Variants in DDAH2 observed in about 807,000 individuals in gnomAD.
The protein encoded by DDAH2 is DDAH family member 2, ADMA-independent.
A neutral mutation model predicts 24.8 loss-of-function variants in DDAH2; 8 were observed. The ratio of observed to expected loss-of-function variants is 0.32; its 90% CI spans 0.19 to 0.58. The LOEUF is 0.58. Among genes scored for constraint, DDAH2 ranks in the 20% least tolerant of loss-of-function variants. DDAH2 has a pLI of 0.87. For synonymous variants in DDAH2, 151 were observed against 166.1 expected, an observed-to-expected ratio of 0.91 and a Z score of 0.70; for missense variants, 281 against 379.0, an observed-to-expected ratio of 0.74 and a Z score of 2.15.
In DDAH2 at chr6:31,727,151, A is replaced by G. The variant is rs906417584; in HGVS notation, c.*86T>C. 2.0e-6 allele frequency: 2 copies of G among 991,446 alleles called. No homozygotes were observed. The highest frequency in any genetic ancestry group is 3.2e-5 in the African/African-American group (2 of 62,406). The allele number at this position is 991,446 out of a possible 1,614,324, so 61.4% of individuals were successfully genotyped here. A position where few individuals can be genotyped will look rare whatever the true frequency, so the allele number is the denominator to read the frequency against. ...TGAGGCTCTCTCCCAACTACTGCCT[A>G]TTCAGCATTCTCTATCTAACCCTCC... On this transcript the variant is annotated 3_prime_UTR_variant, in exon 6 of 6. Coordinates refer to ENST00000375789, the MANE Select transcript of DDAH2 (RefSeq NM_001303007.2). This position sits in a 1 kb window ranked among gnomAD's most constrained non-coding sequence, Gnocchi z 6.0.
chr6:31,728,071 C>A lies in DDAH2; in HGVS notation c.591+102G>T. 1 of 1,358,248 alleles carries A rather than the reference C, an allele frequency of 7.4e-7. No individual in the cohort carries two copies. Among genetic ancestry groups the A allele is most frequent in the Non-Finnish European group, 1.0e-6 (1 of 986,002 alleles). 84.1% of individuals were successfully genotyped at this position (1,358,248 alleles called of 1,614,324 possible). A position where few individuals can be genotyped will look rare whatever the true frequency, so the allele number is the denominator to read the frequency against. On this transcript the variant is annotated intron_variant, in intron 4 of 5. Transcript: ENST00000375789. This position sits in a 1 kb window ranked among gnomAD's most constrained non-coding sequence, Gnocchi z 9.8. ...TGTTCTTTCATGTAAGATGGACAGCCCATTGAGGGCAGGGGTTAGGGCTAA... is the reference window on the plus strand; with the variant it reads ...TGTTCTTTCATGTAAGATGGACAGCACATTGAGGGCAGGGGTTAGGGCTAA...
Position 31,729,153 on chromosome 6 carries a change from C to G in DDAH2, c.9G>C (p.Thr3=). ...AGCAGCGGCCCAGCCCCTCCCCCGG[C>G]GTCCCCATCCCATCCACACAGACTC... is the stretch of plus-strand genomic sequence containing the variant. MG[T]PGEGLGRCSH... Residue 3 remains threonine (T), a synonymous_variant, in exon 1 of 6, where the codon ACG becomes ACC. Coordinates refer to ENST00000375789, the MANE Select transcript of DDAH2 (RefSeq NM_001303007.2). This position sits in a 1 kb window ranked among gnomAD's most constrained non-coding sequence, Gnocchi z 6.7. The G allele has an allele frequency of 6.2e-7, 1 of 1,604,802 alleles. No homozygotes were observed. Among genetic ancestry groups the G allele is most frequent in the Middle Eastern group, 1.7e-4 (1 of 6,018 alleles).
In DDAH2 at chr6:31,729,247, G is replaced by A; in HGVS notation, c.-86C>T. On this transcript the variant is annotated 5_prime_UTR_variant, in exon 1 of 6. Coordinates refer to ENST00000375789, the MANE Select transcript of DDAH2 (RefSeq NM_001303007.2). This position sits in a 1 kb window ranked among gnomAD's most constrained non-coding sequence, Gnocchi z 6.7. ...CTGTCTGGGAGAAGAAACAGAAAAGGAGGAGACAGAGAAAAAGACATGCAG... is the reference window on the plus strand; with the variant it reads ...CTGTCTGGGAGAAGAAACAGAAAAGAAGGAGACAGAGAAAAAGACATGCAG... The A allele has an allele frequency of 2.5e-6, 3 of 1,184,966 alleles. No homozygotes were observed. Among genetic ancestry groups the A allele is most frequent in the Middle Eastern group, 4.0e-4 (2 of 4,994 alleles). The allele number at this position is 1,184,966 out of a possible 1,614,324, so 73.4% of individuals were successfully genotyped here.
At position 31,728,169 on chromosome 6, in the gene DDAH2, T is replaced by G; in HGVS notation, c.591+4A>C. 6.2e-7 allele frequency: 1 copy of G among 1,611,210 alleles called. No homozygotes were observed. The highest frequency in any genetic ancestry group is 8.5e-7 in the Non-Finnish European group (1 of 1,179,810). ...CACTTTCGTTGGCCCCGCCCCCTCC[T>G]CACCCGGACAGCCTTTTGGGCAGCG... On this transcript the variant is annotated splice_donor_region_variant and intron_variant, in intron 4 of 5. Transcript: ENST00000375789. This position sits in a 1 kb window ranked among gnomAD's most constrained non-coding sequence, Gnocchi z 9.8.
rs1807564635 is a variant in DDAH2, at chr6:31,728,448, C to T, written c.471+3G>A. The T allele has an allele frequency of 6.2e-7, 1 of 1,612,804 alleles. No homozygotes were observed. The highest frequency in any genetic ancestry group is 8.5e-7 in the Non-Finnish European group (1 of 1,179,978). ...CCCTCCCTAGGCTGGTCCCGCTCCG[C>T]ACCCGGAACGTGTCCGCCACGATCT... On this transcript the variant is annotated splice_donor_region_variant and intron_variant, in intron 3 of 5. Transcript: ENST00000375789. The surrounding 1 kb of genome is among the most constrained non-coding windows in gnomAD (Gnocchi z 9.8).
Position 31,728,237 on chromosome 6 carries a change from C to T in DDAH2, c.527G>A (p.Cys176Tyr). Residue 176 changes from cysteine to tyrosine, a missense_variant, in exon 4 of 6, where the codon TGC (cysteine) becomes TAC (tyrosine). Cys to Tyr is a radical substitution (Grantham distance 194, BLOSUM62 -2). Coordinates refer to ENST00000375789, the MANE Select transcript of DDAH2 (RefSeq NM_001303007.2). The surrounding 1 kb of genome is among the most constrained non-coding windows in gnomAD (Gnocchi z 9.8). ...VSGPSHLRGL[C>Y]GMGGPRTVVA... ...AACAGTGCGAGGTCCCCCCATGCCG[C>T]AGAGACCGCGCAGGTGGGAGGGACC... The T allele has an allele frequency of 6.2e-7, 1 of 1,612,726 alleles. No homozygotes were observed. Among genetic ancestry groups the T allele is most frequent in the Non-Finnish European group, 8.5e-7 (1 of 1,179,898 alleles).
chr6:31,727,823 G>A lies in DDAH2; in HGVS notation c.592-131C>T, dbSNP rs1272259011. The A allele has an allele frequency of 6.8e-6, 7 of 1,027,394 alleles. No individual in the cohort carries two copies. Among genetic ancestry groups the A allele is most frequent in the South Asian group, 4.8e-5 (3 of 62,372 alleles). 63.6% of individuals were successfully genotyped at this position (1,027,394 alleles called of 1,614,324 possible). ...ATGACAGCAAGCACATAGAGCTTACGATATGTCAGACACTAAGTACTTTAG... is the reference window on the plus strand; with the variant it reads ...ATGACAGCAAGCACATAGAGCTTACAATATGTCAGACACTAAGTACTTTAG... On this transcript the variant is annotated intron_variant, in intron 4 of 5. Coordinates refer to ENST00000375789, the MANE Select transcript of DDAH2 (RefSeq NM_001303007.2). The surrounding 1 kb of genome is among the most constrained non-coding windows in gnomAD (Gnocchi z 6.0).
rs1353694941 is a variant in DDAH2, at chr6:31,727,222, C to T, written c.*15G>A. 1.2e-6 allele frequency: 2 copies of T among 1,604,828 alleles called. No homozygotes were observed. The highest frequency in any genetic ancestry group is 3.3e-5 in the Admixed American group (2 of 59,932). ...CTATCCTACCCCTGGCCAGCAGTAC[C>T]CCAAGGCCAGGCCCTCAGCTGTGGG... On this transcript the variant is annotated 3_prime_UTR_variant, in exon 6 of 6. Coordinates refer to ENST00000375789, the MANE Select transcript of DDAH2 (RefSeq NM_001303007.2). This position sits in a 1 kb window ranked among gnomAD's most constrained non-coding sequence, Gnocchi z 6.0.
At chr6:31,729,441 G>A (rs2151308983), upstream of DDAH2, 1 of 494,378 alleles carries the variant, frequency 2.0e-6, no homozygotes, top group East Asian at 3.3e-5. This position sits in a 1 kb window ranked among gnomAD's most constrained non-coding sequence, Gnocchi z 6.7. Flanking sequence ...AACAAGGCTA[G>A]GGTCTCTAAT....
upstream of DDAH2, chr6:31,729,860 G>T (rs1305287167): frequency 6.6e-6 from 1 of 152,300 alleles, no homozygotes; most frequent in Non-Finnish European, 1.5e-5. This position sits in a 1 kb window ranked among gnomAD's most constrained non-coding sequence, Gnocchi z 6.7. Flanking sequence ...GGTAACAGGG[G>T]GCGTGGTTCC....
chr6:31,729,494 C>T, upstream of DDAH2: 1 of 336,300 alleles, frequency 3.0e-6, no homozygotes, highest in South Asian at 6.3e-5. This position sits in a 1 kb window ranked among gnomAD's most constrained non-coding sequence, Gnocchi z 6.7. Flanking sequence ...TTGTGAGGTC[C>T]CTGTCGGGCG....
At position 31,728,598 on chromosome 6, in the gene DDAH2, C is replaced by T. The variant is rs1167286627; in HGVS notation, c.397+48G>A. 6.2e-7 allele frequency: 1 copy of T among 1,611,492 alleles called. No homozygotes were observed. Among genetic ancestry groups the T allele is most frequent in the Admixed American group, 1.7e-5 (1 of 59,938 alleles). On this transcript the variant is annotated intron_variant, in intron 2 of 5. Coordinates refer to ENST00000375789, the MANE Select transcript of DDAH2 (RefSeq NM_001303007.2). This position sits in a 1 kb window ranked among gnomAD's most constrained non-coding sequence, Gnocchi z 9.8. ...CAAGGCTCCAGACGGCCGAGTCTCC[C>T]AAACTCTACTTCCCTGTGCCAAGAC...
At chr6:31,729,566 A>G (rs1446291006), upstream of DDAH2, 1 of 221,374 alleles carries the variant, frequency 4.5e-6, no homozygotes, top group African/African-American at 2.3e-5. This position sits in a 1 kb window ranked among gnomAD's most constrained non-coding sequence, Gnocchi z 6.7. Flanking sequence ...CCGCCCCCTT[A>G]ACCCTCAGCT....
In DDAH2 at chr6:31,729,049, A is replaced by T; in HGVS notation, c.113T>A (p.Leu38Gln). The change falls in exon 1 of 6, where the codon CTG becomes CAG. Residue 38 changes from leucine to glutamine, a missense_variant. Leu to Gln is a moderately radical substitution (Grantham distance 113). Transcript: ENST00000375789. The surrounding 1 kb of genome is among the most constrained non-coding windows in gnomAD (Gnocchi z 6.7). The part of the protein sequence containing the change: ...GAGAGLPALD[L>Q]AKAQREHGVL... ...CCCGTGCTCCCTTTGAGCTTTGGCC[A>T]GATCCAGAGCGGGAAGGCCAGCCCC... 6.2e-7 allele frequency: 1 copy of T among 1,613,044 alleles called. No homozygotes were observed.
In DDAH2 at chr6:31,729,267, A is replaced by C; in HGVS notation, c.-106T>G. 2 of 1,045,918 alleles carry C rather than the reference A, an allele frequency of 1.9e-6. No homozygotes were observed. Among genetic ancestry groups the C allele is most frequent in the Non-Finnish European group, 2.8e-6 (2 of 718,708 alleles). The allele number at this position is 1,045,918 out of a possible 1,614,324, so 64.8% of individuals were successfully genotyped here. On this transcript the variant is annotated 5_prime_UTR_variant, in exon 1 of 6. The change abolishes an upstream ATG in the 5' untranslated region. Transcript: ENST00000375789. The surrounding 1 kb of genome is among the most constrained non-coding windows in gnomAD (Gnocchi z 6.7). ...AAAAGGAGGAGACAGAGAAAAAGACATGCAGACAAGGGCGTTGGGGGTGGT... is the reference window on the plus strand; with the variant it reads ...AAAAGGAGGAGACAGAGAAAAAGACCTGCAGACAAGGGCGTTGGGGGTGGT...
rs1807661259 is a variant in DDAH2, at chr6:31,729,228, G to C, written c.-67C>G. 35 of 1,298,206 alleles carry C rather than the reference G, an allele frequency of 2.7e-5. 2 individuals are homozygous for C. In the South Asian group the frequency reaches 4.5e-4, roughly 17 times the overall value. 80.4% of individuals were successfully genotyped at this position (1,298,206 alleles called of 1,614,324 possible). ...AGTTTTCTTGTTTCTTCACCTGTCT[G>C]GGAGAAGAAACAGAAAAGGAGGAGA... On this transcript the variant is annotated 5_prime_UTR_variant, in exon 1 of 6. Transcript: ENST00000375789. The surrounding 1 kb of genome is among the most constrained non-coding windows in gnomAD (Gnocchi z 6.7).
chr6:31,729,469 C>T (rs1453599463), upstream of DDAH2: 1 of 398,006 alleles, frequency 2.5e-6, no homozygotes, highest in Non-Finnish European at 4.5e-6. This position sits in a 1 kb window ranked among gnomAD's most constrained non-coding sequence, Gnocchi z 6.7. Context: ...ACACCTGTTG[C>T]CCCTGCTTGG....
chr6:31,728,467 A>C lies in DDAH2; in HGVS notation c.455T>G (p.Val152Gly). Residue 152 changes from valine (V) to glycine (G), a missense_variant, in exon 3 of 6, where the codon GTG (valine) becomes GGG (glycine). Coordinates refer to ENST00000375789, the MANE Select transcript of DDAH2 (RefSeq NM_001303007.2). The surrounding 1 kb of genome is among the most constrained non-coding windows in gnomAD (Gnocchi z 9.8). The part of the protein sequence containing the change: ...KWTNHRGAEI[V>G]ADTFRDFAVS... ...GCTCCGCACCCGGAACGTGTCCGCC[A>C]CGATCTCAGCTCCTCGGTGATTGGT... The C allele has an allele frequency of 2.5e-6, 4 of 1,609,940 alleles. No individual in the cohort carries two copies. The highest frequency in any genetic ancestry group is 3.4e-6 in the Non-Finnish European group (4 of 1,179,002).
At position 31,727,072 on chromosome 6, in the gene DDAH2, A is replaced by G. The variant is rs1253087105; in HGVS notation, c.*165T>C. On this transcript the variant is annotated 3_prime_UTR_variant, in exon 6 of 6. Transcript: ENST00000375789. The surrounding 1 kb of genome is among the most constrained non-coding windows in gnomAD (Gnocchi z 6.0). ...TCAATTCTATTTTATTGGTTCTGAG[A>G]GGGAGGATTCACCCAGTGGATCCTT... 1.8e-5 allele frequency: 12 copies of G among 675,528 alleles called. 1 individual carries two copies. The highest frequency in any genetic ancestry group is 3.3e-5 in the Non-Finnish European group (12 of 368,410). 41.8% of individuals were successfully genotyped at this position (675,528 alleles called of 1,614,324 possible).
Sources: gnomAD v4.1 joint callset for allele counts on GRCh38, gnomAD v4.1.1 for gene constraint, Gnocchi (gnomAD v3.1) non-coding constraint, MANE v1.5 for transcripts, NCBI Gene and HGNC (gene_info 2026-07-23, HGNC 2026-07-21) for gene names.